Variants in TRPA1 observed in about 807,000 individuals in gnomAD.
The protein encoded by TRPA1 is ankyrin-like with transmembrane domains 1.
TRPA1 carries 129 observed loss-of-function variants against 131.3 expected under a neutral mutation model. That is an observed-to-expected ratio of 0.98 (90% confidence interval 0.85 to 1.14). TRPA1 has a LOEUF of 1.14. Among genes scored for constraint, TRPA1 ranks in the 50% most tolerant of loss-of-function variants. The pLI is 0.00. For missense variants in TRPA1, 1,304 were observed against 1,354.2 expected, an observed-to-expected ratio of 0.96 and a Z score of 0.58; for synonymous variants, 441 against 451.7, an observed-to-expected ratio of 0.98 and a Z score of 0.30.
chr8:72,026,095 T>G lies in TRPA1; in HGVS notation c.2938-22A>C, dbSNP rs1444834353. On this transcript the variant is annotated intron_variant, in intron 24 of 26. Transcript: ENST00000262209. Reference sequence around the variant, plus strand: ...CCACCTAAAGTGCATTTTGGATTTATTGATAGAATCATTAGTTAGTATATG... The same window carrying G: ...CCACCTAAAGTGCATTTTGGATTTAGTGATAGAATCATTAGTTAGTATATG... 4 of 1,586,768 alleles carry G rather than the reference T, an allele frequency of 2.5e-6. No homozygotes were observed. In the South Asian group the frequency reaches 4.4e-5, roughly 18 times the overall value.
intron 7 of TRPA1, 69 bp downstream of exon 7, chr8:72,061,556 C>T (rs956397355): frequency 4.2e-5 from 66 of 1,588,860 alleles, no homozygotes; most frequent in Admixed American, 6.7e-5. Flanking sequence ...GCTAACTGCT[C>T]CTTGCAATGT....
Position 72,024,387 on chromosome 8 carries a change from G to A in TRPA1, c.3052-476C>T, listed in dbSNP as rs549016971. Among the ~76,000 whole-genome samples the A allele has an allele frequency of 3.3e-5, 5 of 152,260 alleles. No individual in the cohort carries two copies. In the South Asian group the frequency reaches 1.0e-3, roughly 32 times the overall value. The stretch of plus-strand genomic sequence containing the variant: ...TATCTTTTAAACCATAGGTTGACTG[G>A]AGAGGGTCAAGGGCAGGTGTGAAAT... On this transcript the variant is annotated intron_variant, in intron 25 of 26. Coordinates refer to ENST00000262209, the MANE Select transcript of TRPA1 (RefSeq NM_007332.3).
At chr8:72,085,364 C>T in the TRPA1 span, among the ~76,000 whole-genome samples, 4 of 152,044 alleles carry the variant, frequency 2.6e-5, no homozygotes, top group Non-Finnish European at 5.9e-5. Flanking sequence ...AGGGATTCCA[C>T]CACAGTTGTG....
Position 72,059,864 on chromosome 8 carries a change from T to C in TRPA1, c.945-426A>G, listed in dbSNP as rs1005141622. Among the ~76,000 whole-genome samples the C allele has an allele frequency of 2.6e-5, 4 of 152,192 alleles. No homozygotes were observed. The East Asian group carries it at 5.8e-4, about 22-fold the overall frequency. On this transcript the variant is annotated intron_variant, in intron 7 of 26. Coordinates refer to ENST00000262209, the MANE Select transcript of TRPA1 (RefSeq NM_007332.3). Reference sequence around the variant, plus strand: ...AGCCCCTCTTTGGGGGGCTTCTCTTTGGCAAAAGTTAAAAGGCAGTGTTAG... The same window carrying C: ...AGCCCCTCTTTGGGGGGCTTCTCTTCGGCAAAAGTTAAAAGGCAGTGTTAG...
intron 13 of TRPA1, 200 bp from the exon 14 acceptor site, chr8:72,052,965 CTGTGTGTGTGTG>C (rs57129422): frequency 1.2e-5 from 4 of 322,654 alleles, no homozygotes; most frequent in Non-Finnish European, 1.8e-5. Context: ...GGAAGTGGAT[CTGTGTGTGTGTG>C]TGTGTGTGTG....
At chr8:72,084,882 C>A in the TRPA1 span, among the ~76,000 whole-genome samples, 3 of 151,972 alleles carry the variant, frequency 2.0e-5, no homozygotes, top group South Asian at 4.2e-4. Flanking sequence ...GAACTCCCAA[C>A]CTCGTGATCT....
At chr8:72,073,136 C>T (rs999640637) in intron 1 of TRPA1, among the ~76,000 whole-genome samples, 8 of 152,118 alleles carry the variant, frequency 5.3e-5, no homozygotes, top group African/African-American at 9.7e-5. Context: ...TTTAGATAAG[C>T]TAATTCTAAC....
intron 15 of TRPA1, among the ~76,000 whole-genome samples, chr8:72,050,048 C>T (rs1229411706): frequency 6.6e-6 from 1 of 151,986 alleles, no homozygotes; most frequent in African/African-American, 2.4e-5. Flanking sequence ...CACCCATTAA[C>T]TTGTCATTTA....
chr8:72,070,036 T>C lies in TRPA1; in HGVS notation c.269-838A>G, dbSNP rs560447646. Among the ~76,000 whole-genome samples the C allele has an allele frequency of 3.3e-5, 5 of 152,340 alleles. No homozygotes were observed. In the South Asian group the frequency reaches 1.0e-3, roughly 32 times the overall value. Reference sequence around the variant, plus strand: ...ATTTCTGCAATACCATATATGGTACTATGTACCCCGTGAGCTCAGCATATA... The same window carrying C: ...ATTTCTGCAATACCATATATGGTACCATGTACCCCGTGAGCTCAGCATATA... On this transcript the variant is annotated intron_variant, in intron 2 of 26. Transcript: ENST00000262209.
At chr8:72,075,618 G>A, upstream of TRPA1, 4 of 579,802 alleles carry the variant, frequency 6.9e-6, 1 homozygote, top group South Asian at 7.9e-5. Context: ...CTTTTGTAGT[G>A]CAGGAAGCAG....
chr8:72,076,737 G>T (rs1367327446), upstream of TRPA1: 13 of 152,186 alleles, frequency 8.5e-5, no homozygotes, highest in Non-Finnish European at 1.9e-4. Flanking sequence ...TCTTCCAATG[G>T]ATATGGCAGG....
intron 21 of TRPA1, among the ~76,000 whole-genome samples, chr8:72,035,094 C>T (rs920296791): frequency 1.1e-3 from 174 of 152,116 alleles, no homozygotes; most frequent in African/African-American, 3.9e-3. Context: ...TTTTCTACCC[C>T]CTGCATCCTA....
At chr8:72,047,333 G>A in intron 15 of TRPA1, 126 bp from the exon 16 acceptor site, 2 of 735,214 alleles carry the variant, frequency 2.7e-6, no homozygotes, top group Non-Finnish European at 4.8e-6. Flanking sequence ...TGCATCTCAA[G>A]AATAAATTAT....
At chr8:72,031,528 T>C (rs932077204) in intron 23 of TRPA1, among the ~76,000 whole-genome samples, 1 of 151,274 alleles carries the variant, frequency 6.6e-6, no homozygotes, top group Non-Finnish European at 1.5e-5. Context: ...CAGTGAGCCA[T>C]GATCACTCCA....
At chr8:72,079,412 C>A (rs1365327354), upstream of TRPA1, among the ~76,000 whole-genome samples, 1 of 151,866 alleles carries the variant, frequency 6.6e-6, no homozygotes, top group African/African-American at 2.4e-5. Context: ...GGTCTAAGTT[C>A]ATTTTTATTG....
At chr8:72,026,316 A>C (rs1811608056) in intron 24 of TRPA1, among the ~76,000 whole-genome samples, 2 of 152,206 alleles carry the variant, frequency 1.3e-5, no homozygotes. Context: ...GAGAGGGGGA[A>C]GTTGCTTAAA....
chr8:72,037,484 T>C (rs1812096165), intron 20 of TRPA1, among the ~76,000 whole-genome samples: 1 of 152,072 alleles, frequency 6.6e-6, no homozygotes, highest in Non-Finnish European at 1.5e-5. Context: ...AAGTGGAATA[T>C]AAAGTAAAAA....
intron 17 of TRPA1, among the ~76,000 whole-genome samples, chr8:72,044,378 A>C (rs79842910): frequency 0.015 from 2,294 of 152,098 alleles, 55 homozygotes; most frequent in African/African-American, 0.053. Context: ...AATATTTTTA[A>C]AACACCATAC....
At chr8:72,066,129 A>G (rs1379467905) in intron 3 of TRPA1, among the ~76,000 whole-genome samples, 1 of 152,192 alleles carries the variant, frequency 6.6e-6, no homozygotes, top group East Asian at 1.9e-4. Flanking sequence ...AATTAATTCA[A>G]ACTTGGCCTG....
Sources: allele counts gnomAD v4.1 joint callset (sites outside exome capture counted in the v4.1 genomes callset), GRCh38; gene constraint gnomAD v4.1.1; transcripts MANE v1.5; gene names NCBI Gene and HGNC (gene_info 2026-07-23, HGNC 2026-07-21).